The following KIAA1217 variants were observed in gnomAD, a reference collection of about 807,000 sequenced individuals.
The protein encoded by KIAA1217 is KIAA1217.
A neutral mutation model predicts 163.9 loss-of-function variants in KIAA1217; 88 were observed. The ratio of observed to expected loss-of-function variants is 0.54; its 90% confidence interval spans 0.45 to 0.64. The LOEUF (loss-of-function observed/expected upper bound fraction) is 0.64. Among genes scored for constraint, KIAA1217 ranks in the 30% least tolerant of loss-of-function variants. KIAA1217 has a pLI of 0.00. For synonymous variants in KIAA1217, 903 were observed against 923.1 expected, an observed-to-expected ratio of 0.98 and a Z score of 0.39; for missense variants, 2,372 against 2,475.0, an observed-to-expected ratio of 0.96 and a Z score of 0.88.
intron 2 of KIAA1217, among the ~76,000 whole-genome samples, chr10:24,099,308 A>G (rs2062299503): frequency 6.7e-6 from 1 of 149,738 alleles, no homozygotes; most frequent in South Asian, 2.1e-4. Flanking sequence ...TACATTAGTT[A>G]TTTCTCCTAA....
At chr10:23,886,686 C>G (rs1024885579) in intron 1 of KIAA1217, among the ~76,000 whole-genome samples, 3 of 151,990 alleles carry the variant, frequency 2.0e-5, no homozygotes, top group Admixed American at 6.6e-5. Context: ...TGTGCATTCT[C>G]TTAAAAGACA....
intron 2 of KIAA1217, among the ~76,000 whole-genome samples, chr10:24,317,358 A>T (rs1313794363): frequency 6.6e-6 from 1 of 152,042 alleles, no homozygotes; most frequent in African/African-American, 2.4e-5. Flanking sequence ...GACTCAAGCG[A>T]TTCCCCCACC....
intron 1 of KIAA1217, among the ~76,000 whole-genome samples, chr10:23,734,913 A>C (rs1838706287): frequency 6.6e-6 from 1 of 152,082 alleles, no homozygotes; most frequent in African/African-American, 2.4e-5. Context: ...CCAGGTATTA[A>C]GTCTATACCT....
chr10:24,124,551 C>T (rs944580009), intron 2 of KIAA1217, among the ~76,000 whole-genome samples: 4 of 152,070 alleles, frequency 2.6e-5, no homozygotes, highest in Non-Finnish European at 2.9e-5. Flanking sequence ...TGACTTTAAC[C>T]ATTAAGTATG....
intron 1 of KIAA1217, among the ~76,000 whole-genome samples, chr10:23,929,692 A>T (rs1480959430): frequency 1.3e-5 from 2 of 152,102 alleles, no homozygotes; most frequent in Non-Finnish European, 1.5e-5. Context: ...TATTTTCTTT[A>T]TTCAATCCAC....
At chr10:23,900,712 G>T (rs1197304333) in intron 1 of KIAA1217, among the ~76,000 whole-genome samples, 1 of 152,022 alleles carries the variant, frequency 6.6e-6, no homozygotes, top group Non-Finnish European at 1.5e-5. Flanking sequence ...TTACCTCTAA[G>T]GTACCATCAA....
intron 1 of KIAA1217, among the ~76,000 whole-genome samples, chr10:23,876,401 T>G (rs1027987486): frequency 6.6e-6 from 1 of 151,642 alleles, no homozygotes; most frequent in Non-Finnish European, 1.5e-5. Flanking sequence ...CTATGGGTGA[T>G]GGGATCAATT....
chr10:24,441,272 C>T (rs912323397), intron 5 of KIAA1217, among the ~76,000 whole-genome samples: 12 of 152,172 alleles, frequency 7.9e-5, no homozygotes, highest in Non-Finnish European at 1.3e-4. Flanking sequence ...CAGCCTGGCA[C>T]AGACCTCCCA....
intron 9 of KIAA1217, among the ~76,000 whole-genome samples, chr10:24,502,653 A>C (rs2150650): frequency 1.3e-5 from 2 of 152,098 alleles, no homozygotes; most frequent in Non-Finnish European, 2.9e-5. Flanking sequence ...CCTAGGCTCT[A>C]TACAGATATC....
intron 5 of KIAA1217, among the ~76,000 whole-genome samples, chr10:24,453,766 T>C (rs1458654093): frequency 6.6e-6 from 1 of 152,198 alleles, no homozygotes; most frequent in Admixed American, 6.5e-5. Context: ...AATAATTATA[T>C]GATGTTGTTT....
chr10:24,323,292 G>C (rs1030856444), intron 2 of KIAA1217, among the ~76,000 whole-genome samples: 3 of 152,140 alleles, frequency 2.0e-5, no homozygotes, highest in African/African-American at 7.2e-5. Context: ...TCCTGGCCCA[G>C]GAGTATGTTG....
At chr10:24,122,814 A>G (rs2063331999) in intron 2 of KIAA1217, among the ~76,000 whole-genome samples, 1 of 152,024 alleles carries the variant, frequency 6.6e-6, no homozygotes, top group African/African-American at 2.4e-5. Context: ...TTTATTTACA[A>G]TAATTAAAAA....
At chr10:23,953,539 T>C (rs1244678601) in intron 1 of KIAA1217, among the ~76,000 whole-genome samples, 1 of 152,242 alleles carries the variant, frequency 6.6e-6, no homozygotes, top group African/African-American at 2.4e-5. Context: ...GGTAGTGTAG[T>C]CTTCCCCTGT....
intron 1 of KIAA1217, among the ~76,000 whole-genome samples, chr10:23,987,487 AT>A (rs1035711331): frequency 1.3e-4 from 20 of 151,372 alleles, no homozygotes; most frequent in African/African-American, 4.9e-4. Context: ...TTCATTATTT[AT>A]TCACTTTAAT....
intron 1 of KIAA1217, among the ~76,000 whole-genome samples, chr10:23,714,950 A>C (rs1837480170): frequency 1.3e-5 from 2 of 152,188 alleles, no homozygotes; most frequent in Admixed American, 1.3e-4. Context: ...AGGACAATTA[A>C]AGTTGACCCT....
intron 3 of KIAA1217, among the ~76,000 whole-genome samples, chr10:24,392,903 C>T (rs2055177292): frequency 6.6e-6 from 1 of 152,104 alleles, no homozygotes; most frequent in African/African-American, 2.4e-5. Flanking sequence ...CCATGCCTTA[C>T]TGTTTTCATA....
At chr10:23,953,618 A>G (rs1206123359) in intron 1 of KIAA1217, among the ~76,000 whole-genome samples, 1 of 152,250 alleles carries the variant, frequency 6.6e-6, no homozygotes, top group Non-Finnish European at 1.5e-5. Context: ...CAACTAGCCA[A>G]GTGAGTTTTG....
At chr10:23,977,456 T>C (rs7097791) in intron 1 of KIAA1217, among the ~76,000 whole-genome samples, 31,393 of 152,052 alleles carry the variant, frequency 0.21, 3,535 homozygotes, top group Middle Eastern at 0.3. Context: ...GAGAGTGAAG[T>C]CTTTGCTGAT....
At chr10:24,409,548 A>G (rs1405245636) in intron 3 of KIAA1217, among the ~76,000 whole-genome samples, 1 of 152,202 alleles carries the variant, frequency 6.6e-6, no homozygotes, top group Admixed American at 6.5e-5. Context: ...GTATATCCAT[A>G]TATCAAAACT....
Sources: allele counts gnomAD v4.1 joint callset (sites outside exome capture counted in the v4.1 genomes callset), GRCh38; gene constraint gnomAD v4.1.1; transcripts MANE v1.5; gene names NCBI Gene and HGNC (gene_info 2026-07-23, HGNC 2026-07-21).